The following MYO3A variants were observed in gnomAD, a reference collection of about 807,000 sequenced individuals.
MYO3A encodes myosin-IIIa.
A neutral mutation model predicts 192.7 loss-of-function variants in MYO3A; 180 were observed. The ratio of observed to expected loss-of-function variants is 0.93; its 90% CI spans 0.83 to 1.06. The LOEUF is 1.06. Among genes scored for constraint, MYO3A ranks in the 50% least tolerant of loss-of-function variants. The pLI is 0.00. For missense variants in MYO3A, 1,896 were observed against 1,905.0 expected (o/e 1.00, Z 0.09); for synonymous variants, 628 against 645.3 (o/e 0.97, Z 0.41).
intron 2 of MYO3A, among the ~76,000 whole-genome samples, chr10:25,943,884 G>A (rs989516162): frequency 6.0e-5 from 9 of 151,166 alleles, no homozygotes; most frequent in African/African-American, 2.2e-4. Context: ...CAGTCTGAAT[G>A]CTTTTATTTA....
intron 20 of MYO3A, among the ~76,000 whole-genome samples, chr10:26,135,530 G>T (rs1259308415): frequency 2.0e-5 from 3 of 152,062 alleles, no homozygotes; most frequent in Non-Finnish European, 4.4e-5. Context: ...GGCTGGCAAG[G>T]GTTGTGACAG....
chr10:26,147,956 C>T (rs1032065817), intron 23 of MYO3A, among the ~76,000 whole-genome samples: 6 of 152,190 alleles, frequency 3.9e-5, no homozygotes, highest in African/African-American at 1.4e-4. Context: ...TTCCACCCAA[C>T]CATAATACAT....
chr10:26,045,664 C>T (rs757801524), intron 10 of MYO3A, among the ~76,000 whole-genome samples: 11 of 152,132 alleles, frequency 7.2e-5, no homozygotes, highest in Non-Finnish European at 1.3e-4. Flanking sequence ...AACAGAATCT[C>T]ATTTTCTGAC....
chr10:26,130,812 C>A (rs1380578618), intron 20 of MYO3A, among the ~76,000 whole-genome samples: 1 of 152,176 alleles, frequency 6.6e-6, no homozygotes, highest in Non-Finnish European at 1.5e-5. Context: ...CTTTCTAACT[C>A]CCAGGTGAAT....
intron 2 of MYO3A, among the ~76,000 whole-genome samples, chr10:25,947,555 G>A (rs150003416): frequency 0.016 from 2,443 of 151,692 alleles, 73 homozygotes; most frequent in African/African-American, 0.056. Flanking sequence ...CACCATGCCC[G>A]GCTAATTTTG....
chr10:26,065,843 C>T lies in MYO3A; in HGVS notation c.954-1132C>T, dbSNP rs1217264980. Among the ~76,000 whole-genome samples, 2 of 42,786 alleles carry T rather than the reference C, an allele frequency of 4.7e-5. 1 individual carries two copies. Among genetic ancestry groups the T allele is most frequent in the African/African-American group, 1.2e-4 (2 of 16,520 alleles). The allele number at this position is 42,786 out of a possible 152,430, so 28.1% of individuals were successfully genotyped here. A position where few individuals can be genotyped will look rare whatever the true frequency, so the allele number is the denominator to read the frequency against. On this transcript the variant is annotated intron_variant, in intron 10 of 34. Coordinates refer to ENST00000642920, the MANE Select transcript of MYO3A (RefSeq NM_017433.5). The stretch of plus-strand genomic sequence containing the variant: ...TATACAAAAAGAGCAGTGGGCCGGG[C>T]GCGGTGGCTCACGCCTGTAATCCCA...
At chr10:26,094,510 T>C (rs376289787) in intron 15 of MYO3A, among the ~76,000 whole-genome samples, 11 of 148,834 alleles carry the variant, frequency 7.4e-5, no homozygotes, top group African/African-American at 2.5e-4. Flanking sequence ...TTGCAAGCTC[T>C]GCCTCCCGGG....
chr10:26,009,114 A>T (rs1305136299), intron 6 of MYO3A, among the ~76,000 whole-genome samples: 1 of 151,896 alleles, frequency 6.6e-6, no homozygotes, highest in African/African-American at 2.4e-5. Context: ...ATTCTCAGTA[A>T]ACTATTGCAA....
chr10:25,995,004 C>T (rs141199923), intron 4 of MYO3A, among the ~76,000 whole-genome samples: 6,455 of 152,132 alleles, frequency 0.042, 189 homozygotes, highest in Non-Finnish European at 0.067. Context: ...TTGCTCTTCT[C>T]GAGGAGTATC....
intron 31 of MYO3A, among the ~76,000 whole-genome samples, chr10:26,180,391 A>T (rs1359273677): frequency 6.6e-6 from 1 of 152,226 alleles, no homozygotes; most frequent in Non-Finnish European, 1.5e-5. Context: ...TTCTTAATTC[A>T]ATCATCTACC....
intron 2 of MYO3A, among the ~76,000 whole-genome samples, chr10:25,942,174 A>G (rs998151069): frequency 6.6e-6 from 1 of 151,390 alleles, no homozygotes; most frequent in Admixed American, 6.6e-5. Flanking sequence ...GCTGATTTTT[A>G]TATTTTTGTT....
chr10:26,020,207 C>T (rs1339817), intron 7 of MYO3A, among the ~76,000 whole-genome samples: 110,650 of 152,094 alleles, frequency 0.73, 40,732 homozygotes, highest in African/African-American at 0.82. Context: ...GGCCTCTATC[C>T]CTTCCTCTAT....
At chr10:26,144,132 C>T (rs569986753) in intron 21 of MYO3A, among the ~76,000 whole-genome samples, 6 of 150,840 alleles carry the variant, frequency 4.0e-5, no homozygotes, top group Non-Finnish European at 7.4e-5. Flanking sequence ...TTTGAGAAAG[C>T]AAAGAAATGT....
chr10:26,212,040 G>C lies in MYO3A; in HGVS notation c.*77G>C, dbSNP rs549341486. ...AGCAGGGGCCAAGCAGGCACTCTGG[G>C]GCTGGCACCAGCAGGCACTGAAGCT... On this transcript the variant is annotated 3_prime_UTR_variant, in exon 35 of 35. Transcript: ENST00000642920. The C allele has an allele frequency of 3.5e-5, 55 of 1,552,162 alleles. No homozygotes were observed. The South Asian group carries it at 4.7e-4, about 13-fold the overall frequency.
At chr10:25,993,129 A>C (rs1240725492) in intron 4 of MYO3A, among the ~76,000 whole-genome samples, 1 of 149,540 alleles carries the variant, frequency 6.7e-6, no homozygotes, top group Non-Finnish European at 1.5e-5. Context: ...CTGTGAATCC[A>C]TTTGGTCCTG....
At chr10:26,099,257 T>C (rs924143441) in intron 17 of MYO3A, among the ~76,000 whole-genome samples, 54 of 152,222 alleles carry the variant, frequency 3.5e-4, no homozygotes, top group Admixed American at 5.2e-4. Context: ...GGCACATTGA[T>C]TTTGTATCCT....
chr10:26,191,842 GT>G (rs1361075364), intron 31 of MYO3A, among the ~76,000 whole-genome samples: 2 of 152,128 alleles, frequency 1.3e-5, no homozygotes, highest in Admixed American at 6.5e-5. Flanking sequence ...GATTAGTCTA[GT>G]TTGGGACAGC....
At chr10:26,005,721 T>A (rs994118179) in intron 6 of MYO3A, among the ~76,000 whole-genome samples, 1 of 152,148 alleles carries the variant, frequency 6.6e-6, no homozygotes, top group Non-Finnish European at 1.5e-5. Flanking sequence ...TACATATTAG[T>A]TGAATGTTAT....
rs193280385 is a variant in MYO3A at position 26,023,379 on chromosome 10, C to T, written c.732-643C>T. ...ATGTTGCTTGATTACAGAGTTAGAT[C>T]AGCCTCATTTTCAAATGATGTTCCT... On this transcript the variant is annotated intron_variant, in intron 8 of 34. Coordinates refer to ENST00000642920, the MANE Select transcript of MYO3A (RefSeq NM_017433.5). 11 of 152,558 alleles carry T rather than the reference C, an allele frequency of 7.2e-5. No homozygotes were observed. The East Asian group carries it at 1.9e-3, about 27-fold the overall frequency. 9.5% of individuals were successfully genotyped at this position (152,558 alleles called of 1,614,324 possible). A position where few individuals can be genotyped will look rare whatever the true frequency, so the allele number is the denominator to read the frequency against.
Sources: gnomAD v4.1 joint callset for allele counts (sites outside exome capture counted in the v4.1 genomes callset) on GRCh38, gnomAD v4.1.1 for gene constraint, MANE v1.5 for transcripts, NCBI Gene and HGNC (gene_info 2026-07-23, HGNC 2026-07-21) for gene names.